Variants in SMAGP observed in about 807,000 individuals in gnomAD.
The protein encoded by SMAGP is small cell adhesion glycoprotein, also known as small cell transmembrane and glycosylated protein.
A neutral mutation model predicts 10.1 loss-of-function variants in SMAGP; 7 were observed. That is an observed-to-expected ratio of 0.70 (90% CI 0.40 to 1.31). The LOEUF is 1.31. Ranked by LOEUF, SMAGP falls within the 50% of genes most tolerant of loss-of-function variation. The probability of loss-of-function intolerance (pLI) is 0.01; values close to 1 mark genes in which losing one functional copy is unlikely to be tolerated. For missense variants in SMAGP, 113 were observed against 116.5 expected (o/e 0.97, Z 0.14); for synonymous variants, 49 against 47.2 (o/e 1.04, Z -0.16).
intron 2 of SMAGP, among the ~76,000 whole-genome samples, chr12:51,266,269 C>G (rs759231775): frequency 6.6e-6 from 1 of 151,950 alleles, no homozygotes; most frequent in Non-Finnish European, 1.5e-5. Context: ...AATCTCACAC[C>G]CTGCTCCATC....
At chr12:51,249,925 T>C (rs919194113) in intron 2 of SMAGP, among the ~76,000 whole-genome samples, 1 of 151,988 alleles carries the variant, frequency 6.6e-6, no homozygotes, top group Admixed American at 6.6e-5. Context: ...CCTATACATA[T>C]GGATTCATTC....
intron 2 of SMAGP, among the ~76,000 whole-genome samples, chr12:51,252,351 C>T (rs1360410896): frequency 1.3e-5 from 2 of 151,614 alleles, no homozygotes; most frequent in Non-Finnish European, 2.9e-5. Context: ...GCCTCGGCCT[C>T]CCAAAGTGCT....
rs773381216 is a variant in SMAGP at position 51,245,637 on chromosome 12, A to G, written c.*304T>C. The G allele has an allele frequency of 9.7e-6, 3 of 308,594 alleles. No individual in the cohort carries two copies. The highest frequency in any genetic ancestry group is 1.8e-5 in the Non-Finnish European group (3 of 162,392). 19.1% of individuals were successfully genotyped at this position (308,594 alleles called of 1,614,324 possible). A position where few individuals can be genotyped will look rare whatever the true frequency, so the allele number is the denominator to read the frequency against. On this transcript the variant is annotated 3_prime_UTR_variant, in exon 4 of 4. Coordinates refer to ENST00000603798, the MANE Select transcript of SMAGP (RefSeq NM_001031628.2). The stretch of plus-strand genomic sequence containing the variant: ...ACTCAAAATCTTTTCTCTCCCTTCA[A>G]CCTGTGAAAAAAGATGACTGGGCAC...
At chr12:51,246,585 G>T in intron 3 of SMAGP, 166 bp downstream of exon 3, 1 of 503,202 alleles carries the variant, frequency 2.0e-6, no homozygotes. Flanking sequence ...TCTGACAGAA[G>T]CCTCCGAGTC....
intron 2 of SMAGP, among the ~76,000 whole-genome samples, chr12:51,256,348 G>A (rs925294846): frequency 1.3e-5 from 2 of 152,144 alleles, no homozygotes; most frequent in Non-Finnish European, 2.9e-5. Context: ...CACTTTGGGA[G>A]GCTGAGGCCA....
chr12:51,257,764 C>T (rs1053942957), intron 2 of SMAGP, among the ~76,000 whole-genome samples: 1 of 152,052 alleles, frequency 6.6e-6, no homozygotes, highest in African/African-American at 2.4e-5. Context: ...AGGCTGGTCT[C>T]GAACTCCTGA....
At chr12:51,263,399 A>G (rs551340050) in intron 2 of SMAGP, among the ~76,000 whole-genome samples, 1 of 152,016 alleles carries the variant, frequency 6.6e-6, no homozygotes, top group South Asian at 2.1e-4. Flanking sequence ...AAAAAAAAGA[A>G]AAGAAAATTC....
intron 2 of SMAGP, among the ~76,000 whole-genome samples, chr12:51,264,825 A>G (rs3951438): frequency 0.7 from 105,818 of 150,196 alleles, 39,681 homozygotes; most frequent in Non-Finnish European, 0.85. Flanking sequence ...CCAGCTACTC[A>G]GGAGGTTGAG....
chr12:51,268,571 TTCC>T (rs1353159029), intron 2 of SMAGP, among the ~76,000 whole-genome samples: 20 of 143,428 alleles, frequency 1.4e-4, no homozygotes, highest in African/African-American at 4.1e-4. Context: ...CCTTCCTTCC[TTCC>T]TTCCTTTCCT....
chr12:51,246,383 C>T, intron 3 of SMAGP: 2 of 488,920 alleles, frequency 4.1e-6, no homozygotes, highest in East Asian at 6.5e-5. Flanking sequence ...GTTCCTGATT[C>T]TTAAAGAAAC....
intron 2 of SMAGP, among the ~76,000 whole-genome samples, chr12:51,264,744 C>A (rs1944959081): frequency 6.6e-6 from 1 of 151,210 alleles, no homozygotes; most frequent in Non-Finnish European, 1.5e-5. Flanking sequence ...CCAGCCTGGG[C>A]AACATGGTGA....
intron 2 of SMAGP, among the ~76,000 whole-genome samples, chr12:51,259,224 G>A (rs1224331493): frequency 6.6e-6 from 1 of 152,130 alleles, no homozygotes; most frequent in Non-Finnish European, 1.5e-5. Context: ...TACAAAGGCT[G>A]AGCTGAATGC....
intron 2 of SMAGP, among the ~76,000 whole-genome samples, chr12:51,247,991 C>A (rs1292613127): frequency 1.3e-5 from 2 of 152,112 alleles, no homozygotes; most frequent in Admixed American, 6.6e-5. Flanking sequence ...AAGAGTTTAC[C>A]GGGTAACAGG....
intron 2 of SMAGP, among the ~76,000 whole-genome samples, chr12:51,255,964 T>G (rs1944881469): frequency 1.3e-5 from 2 of 151,962 alleles, no homozygotes; most frequent in Admixed American, 1.3e-4. Context: ...AGAGACGGGG[T>G]TTCACCATGT....
chr12:51,262,311 C>T (rs1430478690), intron 2 of SMAGP, among the ~76,000 whole-genome samples: 2 of 151,468 alleles, frequency 1.3e-5, no homozygotes, highest in Non-Finnish European at 2.9e-5. Context: ...AAAACCCTGT[C>T]TCTACAAAAA....
chr12:51,256,403 T>C (rs988026009), intron 2 of SMAGP, among the ~76,000 whole-genome samples: 3 of 151,006 alleles, frequency 2.0e-5, no homozygotes, highest in Middle Eastern at 3.2e-3. Flanking sequence ...CTGGGCAACA[T>C]AGTGGGACCT....
rs919316021 is a variant in SMAGP, at chr12:51,245,654, A to C, written c.*287T>G. On this transcript the variant is annotated 3_prime_UTR_variant, in exon 4 of 4. Coordinates refer to ENST00000603798, the MANE Select transcript of SMAGP (RefSeq NM_001031628.2). ...TCCCTTCAACCTGTGAAAAAAGATGACTGGGCACATACTCAGATGTCCCCT... is the reference window on the plus strand; with the variant it reads ...TCCCTTCAACCTGTGAAAAAAGATGCCTGGGCACATACTCAGATGTCCCCT... 2 of 352,910 alleles carry C rather than the reference A, an allele frequency of 5.7e-6. No homozygotes were observed. Among genetic ancestry groups the C allele is most frequent in the African/African-American group, 4.1e-5 (2 of 49,236 alleles). 21.9% of individuals were successfully genotyped at this position (352,910 alleles called of 1,614,324 possible).
intron 2 of SMAGP, among the ~76,000 whole-genome samples, chr12:51,268,312 T>C (rs1944995256): frequency 6.6e-6 from 1 of 152,090 alleles, no homozygotes; most frequent in South Asian, 2.1e-4. Context: ...ATATGGGTTG[T>C]CTCATTTAAT....
chr12:51,268,323 C>T (rs1226002852), intron 2 of SMAGP, among the ~76,000 whole-genome samples: 1 of 151,988 alleles, frequency 6.6e-6, no homozygotes, highest in East Asian at 1.9e-4. Flanking sequence ...CTCATTTAAT[C>T]TTCATAAATC....
Sources: allele counts gnomAD v4.1 joint callset (sites outside exome capture counted in the v4.1 genomes callset), GRCh38; gene constraint gnomAD v4.1.1; transcripts MANE v1.5; gene names NCBI Gene and HGNC (gene_info 2026-07-23, HGNC 2026-07-21).